The following CKAP2L variants were observed in gnomAD, a reference collection of about 807,000 sequenced individuals.
CKAP2L encodes the protein cytoskeleton associated protein 2L, also known as cytoskeleton-associated protein 2-like.
In CKAP2L, 42 loss-of-function variants were observed where a neutral mutation model predicts 65.7. The observed-to-expected ratio is 0.64, with a 90% confidence interval of 0.50 to 0.83. The LOEUF (loss-of-function observed/expected upper bound fraction) is 0.83, where lower values mean the gene tolerates loss of function less well. Among genes scored for constraint, CKAP2L ranks in the 40% least tolerant of loss-of-function variants. The pLI, the probability that CKAP2L is intolerant of heterozygous loss-of-function variation, is 0.00. For missense variants in CKAP2L, 908 were observed against 871.0 expected, an observed-to-expected ratio of 1.04 and a Z score of -0.53; for synonymous variants, 325 against 313.5, an observed-to-expected ratio of 1.04 and a Z score of -0.39.
chr2:112,750,276 G>A (rs912864611), intron 5 of CKAP2L, among the ~76,000 whole-genome samples: 1 of 152,148 alleles, frequency 6.6e-6, no homozygotes, highest in East Asian at 1.9e-4. Flanking sequence ...CACTCCTTCT[G>A]ATCCCTTCAG....
At chr2:112,763,249 C>G (rs1680786956) in intron 1 of CKAP2L, among the ~76,000 whole-genome samples, 1 of 152,132 alleles carries the variant, frequency 6.6e-6, no homozygotes, top group Admixed American at 6.5e-5. Flanking sequence ...AGCCACTGTT[C>G]TCAGCTACAA....
chr2:112,740,935 G>T lies in CKAP2L; in HGVS notation c.1895C>A (p.Ser632Tyr). The change falls in exon 8 of 9, where the codon TCT becomes TAT. Residue 632 changes from serine (S) to tyrosine (Y), a missense_variant. Physicochemically the swap from Ser to Tyr is moderately radical, Grantham distance 144. Transcript: ENST00000302450. ...TTTTGGAGAAAGACAAGACTTCACA[G>T]ATTCCATCTTCTTGGCCAGCTCTTC... Reference protein sequence around the residue: ...SVEELAKKMESVKSCLSPKER... With the variant: ...SVEELAKKMEYVKSCLSPKER... 2 of 1,613,908 alleles carry T rather than the reference G, an allele frequency of 1.2e-6. No homozygotes were observed. The highest frequency in any genetic ancestry group is 8.5e-7 in the Non-Finnish European group (1 of 1,179,858).
At chr2:112,761,377 C>T (rs142196381) in intron 2 of CKAP2L, among the ~76,000 whole-genome samples, 2 of 143,540 alleles carry the variant, frequency 1.4e-5, no homozygotes, top group East Asian at 2.1e-4. Flanking sequence ...AGGAAAATGG[C>T]GTGAAACTGG....
At chr2:112,749,324 C>T (rs1296038579) in intron 5 of CKAP2L, among the ~76,000 whole-genome samples, 1 of 152,048 alleles carries the variant, frequency 6.6e-6, no homozygotes, top group Non-Finnish European at 1.5e-5. Context: ...CTTTCTGTAC[C>T]TAACAACATA....
chr2:112,757,239 T>A, intron 3 of CKAP2L, 25 bp from the exon 4 acceptor site: 1 of 1,483,632 alleles, frequency 6.7e-7, no homozygotes, highest in Non-Finnish European at 9.1e-7. Flanking sequence ...AAAATACATA[T>A]TAAAAAATCC....
At chr2:112,749,063 T>C (rs1434924467) in intron 5 of CKAP2L, among the ~76,000 whole-genome samples, 1 of 152,106 alleles carries the variant, frequency 6.6e-6, no homozygotes, top group Non-Finnish European at 1.5e-5. Context: ...CAGGCATAAG[T>C]TTAAACATAC....
In CKAP2L at chr2:112,739,584, AC is replaced by A. The variant is rs375766812; in HGVS notation, c.2013-537del. On this transcript the variant is annotated intron_variant, in intron 8 of 8. Transcript: ENST00000302450. The stretch of plus-strand genomic sequence containing the variant: ...TTCATTTATTCTATAAACTTTCAAA[AC>A]AGATGACAAGTTTTAAGGAAATGGG... Among the ~76,000 whole-genome samples the A allele has an allele frequency of 9.8e-5, 15 of 152,340 alleles. No individual in the cohort carries two copies. The East Asian group carries it at 2.9e-3, about 29-fold the overall frequency.
At chr2:112,741,448 A>G (rs1679957198) in intron 7 of CKAP2L, among the ~76,000 whole-genome samples, 1 of 152,196 alleles carries the variant, frequency 6.6e-6, no homozygotes. Context: ...TGCCTTGGAC[A>G]GTGGGCAAAA....
intron 3 of CKAP2L, among the ~76,000 whole-genome samples, chr2:112,757,769 C>G (rs1419704359): frequency 6.6e-6 from 1 of 152,160 alleles, no homozygotes; most frequent in East Asian, 1.9e-4. Context: ...AGCAGAGATG[C>G]AGTGAATATA....
chr2:112,741,112 C>G, intron 7 of CKAP2L, 105 bp from the exon 8 acceptor site: 1 of 755,804 alleles, frequency 1.3e-6, no homozygotes, highest in Non-Finnish European at 2.2e-6. Context: ...TCCCAGTGAT[C>G]TTCATGGGCT....
intron 5 of CKAP2L, among the ~76,000 whole-genome samples, chr2:112,749,163 T>C (rs1680293900): frequency 6.6e-6 from 1 of 152,196 alleles, no homozygotes; most frequent in Non-Finnish European, 1.5e-5. Flanking sequence ...TGTGTGCATT[T>C]ATATGAGACA....
chr2:112,754,100 CA>C (rs1036729935), intron 4 of CKAP2L, among the ~76,000 whole-genome samples: 81 of 152,166 alleles, frequency 5.3e-4, no homozygotes, highest in African/African-American at 2.0e-3. Context: ...TGAGTTTTGA[CA>C]AATGCATCAA....
At chr2:112,743,911 A>G (rs1680114380) in intron 6 of CKAP2L, among the ~76,000 whole-genome samples, 1 of 152,230 alleles carries the variant, frequency 6.6e-6, no homozygotes. Flanking sequence ...ATGAAGCAGA[A>G]GCTGCACTTT....
At chr2:112,753,223 C>T (rs537522606) in intron 4 of CKAP2L, among the ~76,000 whole-genome samples, 9 of 152,290 alleles carry the variant, frequency 5.9e-5, no homozygotes, top group African/African-American at 2.2e-4. Flanking sequence ...CTTTGTAAAA[C>T]CCACCGCCTA....
chr2:112,742,208 A>G (rs551267051), intron 7 of CKAP2L, among the ~76,000 whole-genome samples: 1 of 152,306 alleles, frequency 6.6e-6, no homozygotes, highest in African/African-American at 2.4e-5. Flanking sequence ...ATCGTAAGCA[A>G]TTATAATGTC....
chr2:112,763,624 A>T (rs550449081), intron 1 of CKAP2L: 1 of 152,000 alleles, frequency 6.6e-6, no homozygotes, highest in Non-Finnish European at 1.5e-5. Flanking sequence ...AAATGAGGGG[A>T]GTAGGTGGCT....
At position 112,756,743 on chromosome 2, in the gene CKAP2L, T is replaced by C; in HGVS notation, c.628A>G (p.Lys210Glu). ...DPKLYTRSKP[K>E]TDSYNQTKNS... The stretch of plus-strand genomic sequence containing the variant: ...TTGGTTTGATTATAAGAGTCAGTCT[T>C]TGGCTTACTTCTGGTATATAATTTA... Residue 210 changes from lysine (K) to glutamate (E), a missense_variant, in exon 4 of 9, where the codon AAG (lysine) becomes GAG (glutamate). Physicochemically the swap from Lys to Glu is moderately conservative, Grantham distance 56 (BLOSUM62 1). Coordinates refer to ENST00000302450, the MANE Select transcript of CKAP2L (RefSeq NM_152515.5). 1 of 1,599,734 alleles carries C rather than the reference T, an allele frequency of 6.3e-7. No individual in the cohort carries two copies. The highest frequency in any genetic ancestry group is 8.5e-7 in the Non-Finnish European group (1 of 1,175,582).
intron 6 of CKAP2L, among the ~76,000 whole-genome samples, chr2:112,746,088 T>TCA (rs753854787): frequency 1.3e-5 from 2 of 152,154 alleles, no homozygotes; most frequent in East Asian, 3.8e-4. Context: ...GAAAAAGGTA[T>TCA]CACACAGAAT....
At chr2:112,751,467 T>C (rs1051018406) in intron 5 of CKAP2L, among the ~76,000 whole-genome samples, 3 of 152,212 alleles carry the variant, frequency 2.0e-5, no homozygotes, top group African/African-American at 7.2e-5. Context: ...TGATCATTTA[T>C]CTGCATTACT....
Sources: allele counts gnomAD v4.1 joint callset (sites outside exome capture counted in the v4.1 genomes callset), GRCh38; gene constraint gnomAD v4.1.1; transcripts MANE v1.5; gene names NCBI Gene and HGNC (gene_info 2026-07-23, HGNC 2026-07-21).